PDE1C: variants seen among roughly 807,000 people sequenced by gnomAD.
PDE1C encodes phosphodiesterase 1C.
Under a neutral mutation model 93.1 loss-of-function variants are expected in PDE1C, and 62 were observed. That is an observed-to-expected ratio of 0.67 (90% CI 0.54 to 0.82). The LOEUF (loss-of-function observed/expected upper bound fraction) is 0.82, where lower values mean the gene tolerates loss of function less well. Among genes scored for constraint, PDE1C ranks in the 40% least tolerant of loss-of-function variants. The pLI is 0.00. For synonymous variants in PDE1C, 325 were observed against 310.1 expected, an observed-to-expected ratio of 1.05 and a Z score of -0.50; for missense variants, 742 against 884.6, an observed-to-expected ratio of 0.84 and a Z score of 2.04.
chr7:31,961,731 A>T (rs1399958188), intron 2 of PDE1C, among the ~76,000 whole-genome samples: 21 of 152,196 alleles, frequency 1.4e-4, no homozygotes, highest in Non-Finnish European at 1.5e-5. Context: ...AACATTCCAT[A>T]CTATACATTG....
At chr7:31,890,271 T>C (rs1449444690) in intron 2 of PDE1C, among the ~76,000 whole-genome samples, 1 of 152,242 alleles carries the variant, frequency 6.6e-6, no homozygotes, top group Non-Finnish European at 1.5e-5. Flanking sequence ...CATTTGCAGC[T>C]ATTCATGTGG....
chr7:31,925,195 G>C (rs1194356750), intron 2 of PDE1C, among the ~76,000 whole-genome samples: 2 of 151,874 alleles, frequency 1.3e-5, no homozygotes, highest in African/African-American at 4.8e-5. Flanking sequence ...CTGTTAAGTG[G>C]ACTCCAAAGG....
intron 1 of PDE1C, among the ~76,000 whole-genome samples, chr7:32,415,666 G>C (rs7782749): frequency 0.18 from 27,112 of 151,816 alleles, 5,188 homozygotes; most frequent in African/African-American, 0.48. Flanking sequence ...GCCTGAATCC[G>C]AGGACTGGGG....
intron 3 of PDE1C, among the ~76,000 whole-genome samples, chr7:32,167,670 T>A (rs144147264): frequency 7.9e-5 from 12 of 152,296 alleles, no homozygotes; most frequent in African/African-American, 2.9e-4. Context: ...CCTGATAATT[T>A]GGCACATTGG....
intron 1 of PDE1C, among the ~76,000 whole-genome samples, chr7:32,225,876 A>G (rs1249886640): frequency 6.6e-6 from 1 of 152,024 alleles, no homozygotes; most frequent in African/African-American, 2.4e-5. Context: ...TGGCTAACAC[A>G]GTGAAACCCT....
chr7:32,192,926 T>TTTCAC (rs1286083634), intron 2 of PDE1C, among the ~76,000 whole-genome samples: 3 of 152,298 alleles, frequency 2.0e-5, no homozygotes, highest in Non-Finnish European at 4.4e-5. Flanking sequence ...CATCTACATA[T>TTTCAC]TTCACCTTGT....
intron 13 of PDE1C, among the ~76,000 whole-genome samples, chr7:31,823,690 A>G (rs756988594): frequency 2.0e-5 from 3 of 152,040 alleles, no homozygotes; most frequent in Non-Finnish European, 2.9e-5. Flanking sequence ...TTCCCCTGCA[A>G]GGGTCTTTCT....
At chr7:32,078,863 C>T (rs949931614) in intron 3 of PDE1C, among the ~76,000 whole-genome samples, 7 of 150,672 alleles carry the variant, frequency 4.6e-5, no homozygotes, top group Non-Finnish European at 8.8e-5. Context: ...GGGGTCAAGG[C>T]TGCAATGAGC....
chr7:32,373,090 C>G (rs939547934), intron 1 of PDE1C, among the ~76,000 whole-genome samples: 21 of 152,126 alleles, frequency 1.4e-4, no homozygotes, highest in African/African-American at 5.1e-4. Flanking sequence ...ACCATGTGAC[C>G]CAGCAATTTC....
intron 2 of PDE1C, among the ~76,000 whole-genome samples, chr7:32,177,014 C>A (rs114300205): frequency 0.014 from 2,119 of 152,022 alleles, 53 homozygotes; most frequent in African/African-American, 0.049. Flanking sequence ...GACTATTTTT[C>A]AAAAAGTAAA....
At chr7:32,126,390 CCA>C (rs905878104) in intron 3 of PDE1C, among the ~76,000 whole-genome samples, 2 of 152,122 alleles carry the variant, frequency 1.3e-5, no homozygotes, top group African/African-American at 4.8e-5. Context: ...CCGTCTGGCT[CCA>C]GACTCCAGGC....
chr7:32,155,189 A>T (rs1562530231), intron 3 of PDE1C, among the ~76,000 whole-genome samples: 2 of 152,240 alleles, frequency 1.3e-5, no homozygotes, highest in East Asian at 3.9e-4. Flanking sequence ...CGTGTGGCCC[A>T]GTGGTTAACT....
chr7:31,624,832 G>A, the PDE1C span, among the ~76,000 whole-genome samples: 5 of 152,204 alleles, frequency 3.3e-5, no homozygotes, highest in South Asian at 2.1e-4. Context: ...AGAGTGAACA[G>A]GCAACCCACA....
intron 2 of PDE1C, among the ~76,000 whole-genome samples, chr7:31,917,553 C>T (rs1002970542): frequency 1.2e-4 from 19 of 152,004 alleles, no homozygotes; most frequent in African/African-American, 4.6e-4. Flanking sequence ...CTAATAACAT[C>T]AACTGTCTTA....
rs569211423 is a variant in PDE1C, at chr7:31,980,554, C to G, written c.128+71000G>C. Among the ~76,000 whole-genome samples the G allele has an allele frequency of 8.5e-5, 13 of 152,274 alleles. No individual in the cohort carries two copies. The East Asian group carries it at 2.5e-3, about 29-fold the overall frequency. On this transcript the variant is annotated intron_variant, in intron 2 of 17. Coordinates refer to ENST00000396191, the MANE Select transcript of PDE1C (RefSeq NM_001191057.4). ...TGATCACAAGCAGGTTCTCACTCTCCTGATCAAAGACATAGTTCCACCTGT... is the reference window on the plus strand; with the variant it reads ...TGATCACAAGCAGGTTCTCACTCTCGTGATCAAAGACATAGTTCCACCTGT...
the PDE1C span, among the ~76,000 whole-genome samples, chr7:31,733,746 G>A: frequency 6.6e-6 from 1 of 152,210 alleles, no homozygotes. Flanking sequence ...TGTAATCCCA[G>A]CACTCTGGGA....
chr7:32,418,493 T>C (rs1241368361), intron 1 of PDE1C, among the ~76,000 whole-genome samples: 1 of 152,180 alleles, frequency 6.6e-6, no homozygotes, highest in Non-Finnish European at 1.5e-5. Context: ...TATAATGATA[T>C]GATTGTTTTA....
At chr7:31,796,634 T>C (rs1454678776) in intron 16 of PDE1C, among the ~76,000 whole-genome samples, 2 of 151,664 alleles carry the variant, frequency 1.3e-5, no homozygotes, top group Non-Finnish European at 2.9e-5. Context: ...TAAAAGTCCA[T>C]AGCAAAAAAG....
At chr7:32,072,715 A>T (rs765500293), upstream of PDE1C, among the ~76,000 whole-genome samples, 3 of 152,204 alleles carry the variant, frequency 2.0e-5, no homozygotes, top group East Asian at 1.9e-4. Flanking sequence ...TATGAGGTAG[A>T]TACTATTATT....
Sources: allele counts gnomAD v4.1 joint callset (sites outside exome capture counted in the v4.1 genomes callset), GRCh38; gene constraint gnomAD v4.1.1; transcripts MANE v1.5; gene names NCBI Gene and HGNC (gene_info 2026-07-23, HGNC 2026-07-21).